ITFG1: variants seen among roughly 807,000 people sequenced by gnomAD.
ITFG1 encodes the protein T-cell immunomodulatory protein.
Under a neutral mutation model 81.8 loss-of-function variants are expected in ITFG1, and 34 were observed. The ratio of observed to expected loss-of-function variants is 0.42; its 90% CI spans 0.32 to 0.55. The LOEUF (loss-of-function observed/expected upper bound fraction) is 0.55. Ranked by LOEUF, ITFG1 falls within the 20% of genes least tolerant of loss-of-function variation. ITFG1 has a pLI of 0.17. For missense variants in ITFG1, 672 were observed against 755.4 expected, an observed-to-expected ratio of 0.89 and a Z score of 1.29; for synonymous variants, 285 against 270.6, an observed-to-expected ratio of 1.05 and a Z score of -0.52.
chr16:47,205,340 C>T (rs1054147206), intron 14 of ITFG1, among the ~76,000 whole-genome samples: 1 of 152,180 alleles, frequency 6.6e-6, no homozygotes, highest in Non-Finnish European at 1.5e-5. Flanking sequence ...TGCCTGCAGA[C>T]ATTGTCAAAT....
intron 8 of ITFG1, among the ~76,000 whole-genome samples, chr16:47,363,854 G>A (rs1195503760): frequency 6.6e-6 from 1 of 151,936 alleles, no homozygotes; most frequent in African/African-American, 2.4e-5. Context: ...CAAGTGAGCT[G>A]GGAGCCATTT....
intron 8 of ITFG1, among the ~76,000 whole-genome samples, chr16:47,349,763 C>T (rs1330443106): frequency 1.1e-4 from 16 of 152,294 alleles, no homozygotes; most frequent in Middle Eastern, 6.8e-3. Context: ...ATACATTCTT[C>T]TCAGCACCAC....
chr16:47,452,992 A>G (rs1969408207), intron 3 of ITFG1, among the ~76,000 whole-genome samples: 1 of 152,214 alleles, frequency 6.6e-6, no homozygotes, highest in Non-Finnish European at 1.5e-5. Context: ...AATACATTCT[A>G]CAGTGAAGAC....
At chr16:47,277,170 T>A (rs1966406277) in intron 10 of ITFG1, among the ~76,000 whole-genome samples, 1 of 152,240 alleles carries the variant, frequency 6.6e-6, no homozygotes, top group South Asian at 2.1e-4. Context: ...TGTACTAGAT[T>A]ATAATTTTAA....
chr16:47,420,139 T>C (rs1968926273), intron 6 of ITFG1, among the ~76,000 whole-genome samples: 2 of 152,148 alleles, frequency 1.3e-5, no homozygotes, highest in African/African-American at 4.8e-5. Context: ...CATGTACTTG[T>C]ACAGTTTCCA....
intron 10 of ITFG1, among the ~76,000 whole-genome samples, chr16:47,285,792 G>T (rs896457467): frequency 1.3e-5 from 2 of 152,000 alleles, no homozygotes; most frequent in Non-Finnish European, 2.9e-5. Flanking sequence ...GTAGAAAACA[G>T]TAGTAGTCAA....
intron 10 of ITFG1, among the ~76,000 whole-genome samples, chr16:47,283,591 G>A (rs1252748008): frequency 1.3e-5 from 2 of 152,200 alleles, no homozygotes; most frequent in Admixed American, 6.5e-5. Flanking sequence ...CATGAGCCAA[G>A]GAATGCTGGT....
intron 13 of ITFG1, among the ~76,000 whole-genome samples, chr16:47,233,954 A>C (rs975826870): frequency 6.6e-6 from 1 of 152,202 alleles, no homozygotes; most frequent in African/African-American, 2.4e-5. Flanking sequence ...ACACTAGAGG[A>C]AATAATTGCC....
At chr16:47,342,830 A>G (rs189853036) in intron 8 of ITFG1, among the ~76,000 whole-genome samples, 9 of 152,162 alleles carry the variant, frequency 5.9e-5, no homozygotes, top group Non-Finnish European at 1.3e-4. Context: ...ACTATATAAC[A>G]TTCCTGAAAA....
chr16:47,413,771 C>CA (rs1268135866), intron 6 of ITFG1, among the ~76,000 whole-genome samples: 1 of 151,962 alleles, frequency 6.6e-6, no homozygotes, highest in Admixed American at 6.6e-5. Context: ...ATTTGATTTG[C>CA]AAAAAAATAA....
intron 14 of ITFG1, among the ~76,000 whole-genome samples, chr16:47,182,177 A>C (rs1965133832): frequency 6.6e-6 from 1 of 151,356 alleles, no homozygotes; most frequent in Non-Finnish European, 1.5e-5. Flanking sequence ...AGAATGATCA[A>C]TTAAAAAAAA....
intron 17 of ITFG1, among the ~76,000 whole-genome samples, chr16:47,157,992 CA>C (rs1434002541): frequency 2.0e-5 from 3 of 152,108 alleles, no homozygotes; most frequent in Admixed American, 6.5e-5. Flanking sequence ...AAATCTTTTA[CA>C]TATTTGGGAG....
At chr16:47,414,568 AAC>A (rs1968851498) in intron 6 of ITFG1, among the ~76,000 whole-genome samples, 2 of 151,978 alleles carry the variant, frequency 1.3e-5, no homozygotes, top group African/African-American at 4.8e-5. Flanking sequence ...CAACAACAAC[AAC>A]AACAAAATCC....
At chr16:47,250,866 G>A (rs1471395437) in intron 12 of ITFG1, among the ~76,000 whole-genome samples, 2 of 152,184 alleles carry the variant, frequency 1.3e-5, no homozygotes, top group Non-Finnish European at 2.9e-5. Flanking sequence ...TCAGAGCTGC[G>A]GCAGCTGAGA....
At chr16:47,410,548 T>C (rs191519740) in intron 6 of ITFG1, among the ~76,000 whole-genome samples, 307 of 151,794 alleles carry the variant, frequency 2.0e-3, no homozygotes, top group African/African-American at 7.1e-3. Flanking sequence ...GAGAAAACAC[T>C]GAGAGTTGGC....
chr16:47,293,660 T>G (rs957355567), intron 10 of ITFG1, among the ~76,000 whole-genome samples: 2 of 152,148 alleles, frequency 1.3e-5, no homozygotes, highest in Non-Finnish European at 1.5e-5. Flanking sequence ...TTTTGAAAAA[T>G]GTCTACTTGA....
intron 14 of ITFG1, among the ~76,000 whole-genome samples, chr16:47,209,200 C>A (rs945088449): frequency 6.6e-6 from 1 of 152,070 alleles, no homozygotes; most frequent in South Asian, 2.1e-4. Context: ...ATTTTGTCTA[C>A]CAAACTATAT....
At chr16:47,260,815 AATCTCC>A in intron 10 of ITFG1, 120 bp from the exon 11 acceptor site, 1 of 1,081,554 alleles carries the variant, frequency 9.2e-7, no homozygotes, top group Non-Finnish European at 1.3e-6. Flanking sequence ...TACACGAAAA[AATCTCC>A]ACATTTTTTG....
chr16:47,252,736 G>C (rs1966092760), intron 12 of ITFG1, among the ~76,000 whole-genome samples: 1 of 152,188 alleles, frequency 6.6e-6, no homozygotes, highest in Non-Finnish European at 1.5e-5. Context: ...TTCCTTAACT[G>C]AAAAACAGTG....
Sources: gnomAD v4.1 joint callset for allele counts (sites outside exome capture counted in the v4.1 genomes callset) on GRCh38, gnomAD v4.1.1 for gene constraint, MANE v1.5 for transcripts, NCBI Gene and HGNC (gene_info 2026-07-23, HGNC 2026-07-21) for gene names.